SH3PXD2A: variants seen among roughly 807,000 people sequenced by gnomAD.
SH3PXD2A encodes SH3 and PX domain-containing protein 2A.
Under a neutral mutation model 115.2 loss-of-function variants are expected in SH3PXD2A, and 32 were observed. The ratio of observed to expected loss-of-function variants is 0.28; its 90% confidence interval spans 0.21 to 0.37. The LOEUF is 0.37. Among genes scored for constraint, SH3PXD2A ranks in the 10% least tolerant of loss-of-function variants. The pLI is 1.00. For synonymous variants in SH3PXD2A, 610 were observed against 629.1 expected (o/e 0.97, Z 0.45); for missense variants, 1,328 against 1,498.7 (o/e 0.89, Z 1.88).
chr10:103,603,941 A>G, intron 14 of SH3PXD2A, 152 bp from the exon 15 acceptor site: 1 of 840,084 alleles, frequency 1.2e-6, no homozygotes, highest in Non-Finnish European at 1.7e-6. Context: ...CCAAAACCCA[A>G]TATAGTAAAT....
chr10:103,751,859 C>A (rs538963814), intron 3 of SH3PXD2A, among the ~76,000 whole-genome samples: 43 of 152,304 alleles, frequency 2.8e-4, no homozygotes, highest in African/African-American at 6.5e-4. Flanking sequence ...CCAAAGCAAC[C>A]GAATAACCCG....
intron 2 of SH3PXD2A, among the ~76,000 whole-genome samples, chr10:103,783,016 AG>A (rs1228473946): frequency 3.3e-5 from 5 of 151,364 alleles, no homozygotes; most frequent in Admixed American, 1.3e-4. Flanking sequence ...TGGGGACCTG[AG>A]GGAAGGGACT....
chr10:103,732,359 T>C (rs2038330900), intron 4 of SH3PXD2A, among the ~76,000 whole-genome samples: 1 of 152,240 alleles, frequency 6.6e-6, no homozygotes, highest in African/African-American at 2.4e-5. Context: ...ACGTTTCCGT[T>C]TAAATTAATT....
intron 7 of SH3PXD2A, among the ~76,000 whole-genome samples, chr10:103,664,871 C>T (rs145331569): frequency 0.013 from 1,947 of 152,152 alleles, 27 homozygotes; most frequent in Middle Eastern, 0.017. Context: ...TGGAGTTTCA[C>T]CATGTTGGCT....
chr10:103,616,733 C>T (rs1168622104), intron 11 of SH3PXD2A, among the ~76,000 whole-genome samples: 2 of 152,190 alleles, frequency 1.3e-5, no homozygotes, highest in Non-Finnish European at 2.9e-5. Context: ...CACCTGCACC[C>T]GCCCCCGCCC....
intron 1 of SH3PXD2A, among the ~76,000 whole-genome samples, chr10:103,816,860 CAG>C (rs1264118480): frequency 2.0e-5 from 3 of 152,026 alleles, no homozygotes; most frequent in Non-Finnish European, 2.9e-5. Context: ...TTTTTTGAGA[CAG>C]AGTCTTGCTC....
At chr10:103,782,002 C>T (rs1225990808) in intron 2 of SH3PXD2A, among the ~76,000 whole-genome samples, 1 of 152,198 alleles carries the variant, frequency 6.6e-6, no homozygotes, top group South Asian at 2.1e-4. Context: ...AAGCAGCCCA[C>T]GCCATTCCTG....
intron 5 of SH3PXD2A, among the ~76,000 whole-genome samples, chr10:103,719,778 G>A (rs1211907648): frequency 1.5e-5 from 2 of 135,200 alleles, no homozygotes; most frequent in Non-Finnish European, 3.0e-5. Context: ...GGAGTGCAGT[G>A]GTGCGATCTC....
At chr10:103,743,591 G>T (rs536744778) in intron 3 of SH3PXD2A, among the ~76,000 whole-genome samples, 1 of 152,108 alleles carries the variant, frequency 6.6e-6, no homozygotes, top group South Asian at 2.1e-4. Flanking sequence ...GGCTGGTCCC[G>T]AACTCCTGGT....
At chr10:103,753,317 CA>C (rs60364879) in intron 3 of SH3PXD2A, among the ~76,000 whole-genome samples, 3,975 of 62,604 alleles carry the variant, frequency 0.063, 84 homozygotes, top group East Asian at 0.3. Flanking sequence ...CTGCCTCTAC[CA>C]AAAAAAAAAA....
intron 8 of SH3PXD2A, among the ~76,000 whole-genome samples, chr10:103,646,649 G>C (rs2037041108): frequency 6.6e-6 from 1 of 152,214 alleles, no homozygotes; most frequent in Non-Finnish European, 1.5e-5. Context: ...GCAACTGTAT[G>C]TGTCCCCTGT....
intron 3 of SH3PXD2A, among the ~76,000 whole-genome samples, chr10:103,738,898 A>G (rs891835251): frequency 2.0e-5 from 3 of 151,724 alleles, no homozygotes; most frequent in African/African-American, 7.3e-5. Context: ...GGGTTCAAGC[A>G]ATTCTCCTAC....
chr10:103,628,458 G>A (rs1363156233), intron 8 of SH3PXD2A, among the ~76,000 whole-genome samples: 4 of 151,912 alleles, frequency 2.6e-5, no homozygotes, highest in Non-Finnish European at 5.9e-5. Context: ...TGTGGCTCAG[G>A]GGCCTCAGTT....
intron 3 of SH3PXD2A, among the ~76,000 whole-genome samples, chr10:103,751,478 G>C (rs1323417334): frequency 6.6e-6 from 1 of 152,184 alleles, no homozygotes; most frequent in Non-Finnish European, 1.5e-5. Flanking sequence ...AAAGCACAGA[G>C]AGGTTAAGTA....
chr10:103,812,105 G>T (rs958946996), intron 1 of SH3PXD2A, among the ~76,000 whole-genome samples: 1 of 152,216 alleles, frequency 6.6e-6, no homozygotes, highest in Non-Finnish European at 1.5e-5. Context: ...TGTCACCACT[G>T]GGACATTCTC....
At chr10:103,841,574 C>T (rs914201150) in intron 1 of SH3PXD2A, among the ~76,000 whole-genome samples, 1 of 152,160 alleles carries the variant, frequency 6.6e-6, no homozygotes, top group Non-Finnish European at 1.5e-5. Context: ...CACTGCTGAG[C>T]AGAGCATGCT....
intron 9 of SH3PXD2A, among the ~76,000 whole-genome samples, chr10:103,626,809 G>C (rs1164069865): frequency 6.6e-6 from 1 of 151,098 alleles, no homozygotes; most frequent in Admixed American, 6.6e-5. Context: ...GGGGGTGGGT[G>C]GAAAAACAAA....
intron 1 of SH3PXD2A, among the ~76,000 whole-genome samples, chr10:103,809,145 G>A (rs548383973): frequency 6.6e-6 from 1 of 152,266 alleles, no homozygotes; most frequent in East Asian, 1.9e-4. Flanking sequence ...CCCTCCTCTA[G>A]AGTGGGTGTT....
At chr10:103,771,812 A>T (rs938459636) in intron 2 of SH3PXD2A, among the ~76,000 whole-genome samples, 1 of 151,202 alleles carries the variant, frequency 6.6e-6, no homozygotes, top group African/African-American at 2.4e-5. Context: ...CCTTCACATC[A>T]AGGAGCCAGG....
Sources: gnomAD v4.1 joint callset for allele counts (sites outside exome capture counted in the v4.1 genomes callset) on GRCh38, gnomAD v4.1.1 for gene constraint, MANE v1.5 for transcripts, NCBI Gene and HGNC (gene_info 2026-07-23, HGNC 2026-07-21) for gene names.